The following RABGAP1L variants were observed in gnomAD, a reference collection of about 807,000 sequenced individuals.
RABGAP1L encodes RAB GTPase activating protein 1 like, also known as rab GTPase-activating protein 1-like.
Under a neutral mutation model 137.7 loss-of-function variants are expected in RABGAP1L, and 63 were observed. The observed-to-expected ratio is 0.46, with a 90% CI of 0.37 to 0.56. The LOEUF (loss-of-function observed/expected upper bound fraction) is 0.56, where lower values mean the gene tolerates loss of function less well. Ranked by LOEUF, RABGAP1L falls within the 20% of genes least tolerant of loss-of-function variation. RABGAP1L has a pLI of 0.00. For synonymous variants in RABGAP1L, 431 were observed against 433.7 expected (o/e 0.99, Z 0.08); for missense variants, 1,095 against 1,244.0 (o/e 0.88, Z 1.80).
chr1:174,635,564 T>G (rs1232200765), intron 13 of RABGAP1L, among the ~76,000 whole-genome samples: 1 of 152,186 alleles, frequency 6.6e-6, no homozygotes, highest in Non-Finnish European at 1.5e-5. Flanking sequence ...GTTTTCTTTA[T>G]CATTAGAAAC....
At chr1:174,634,789 A>C (rs1673794135) in intron 13 of RABGAP1L, among the ~76,000 whole-genome samples, 4 of 146,786 alleles carry the variant, frequency 2.7e-5, no homozygotes, top group Admixed American at 2.7e-4. Flanking sequence ...AAGAACAAAA[A>C]AGCAAACACC....
intron 17 of RABGAP1L, among the ~76,000 whole-genome samples, chr1:174,743,968 CT>C (rs61152923): frequency 0.022 from 3,217 of 149,264 alleles, 113 homozygotes; most frequent in African/African-American, 0.075. Context: ...GGGAGTCATC[CT>C]TTTTTTTTGG....
intron 13 of RABGAP1L, among the ~76,000 whole-genome samples, chr1:174,536,236 C>CT (rs1039846928): frequency 2.0e-5 from 3 of 151,126 alleles, no homozygotes; most frequent in South Asian, 2.1e-4. Flanking sequence ...TAATGTATGG[C>CT]TTTTTTTAAG....
intron 13 of RABGAP1L, among the ~76,000 whole-genome samples, chr1:174,601,365 G>A (rs1670399233): frequency 6.6e-6 from 1 of 152,256 alleles, no homozygotes; most frequent in South Asian, 2.1e-4. Flanking sequence ...GCAAATTTCT[G>A]TAGCCAGCTT....
intron 1 of RABGAP1L, among the ~76,000 whole-genome samples, chr1:174,182,217 G>A (rs1666429767): frequency 6.6e-6 from 1 of 152,122 alleles, no homozygotes; most frequent in African/African-American, 2.4e-5. Flanking sequence ...GCTATGGGAA[G>A]AAACTGAGGA....
At chr1:174,227,710 A>C (rs1360909990) in intron 3 of RABGAP1L, among the ~76,000 whole-genome samples, 1 of 152,134 alleles carries the variant, frequency 6.6e-6, no homozygotes, top group Admixed American at 6.6e-5. Flanking sequence ...TTTATAACTC[A>C]AGTCTTTAAC....
At chr1:174,194,925 A>G (rs1667461678) in intron 1 of RABGAP1L, among the ~76,000 whole-genome samples, 1 of 152,212 alleles carries the variant, frequency 6.6e-6, no homozygotes, top group African/African-American at 2.4e-5. Flanking sequence ...ATTTCACCCT[A>G]ATATGGTGTG....
chr1:174,226,513 C>T (rs1670193651), intron 3 of RABGAP1L, among the ~76,000 whole-genome samples: 1 of 151,906 alleles, frequency 6.6e-6, no homozygotes, highest in African/African-American at 2.4e-5. Flanking sequence ...TTGTAACAGG[C>T]TTATCACTTC....
At chr1:174,705,970 G>A (rs1680013058) in intron 17 of RABGAP1L, among the ~76,000 whole-genome samples, 2 of 152,112 alleles carry the variant, frequency 1.3e-5, no homozygotes, top group South Asian at 2.1e-4. Flanking sequence ...TGGAAGGATA[G>A]GAAGCTCTCA....
intron 19 of RABGAP1L, among the ~76,000 whole-genome samples, chr1:174,814,096 G>C (rs1271006494): frequency 6.6e-6 from 1 of 152,082 alleles, no homozygotes; most frequent in Admixed American, 6.5e-5. Flanking sequence ...CCTGGAGGTG[G>C]CTAGTTATTA....
intron 13 of RABGAP1L, among the ~76,000 whole-genome samples, chr1:174,466,206 A>G (rs79077452): frequency 0.081 from 12,382 of 152,158 alleles, 695 homozygotes; most frequent in East Asian, 0.32. Flanking sequence ...TTCCTTACTT[A>G]CTCAGCACTT....
chr1:174,683,706 T>C lies in RABGAP1L; in HGVS notation c.1899+110T>C, dbSNP rs540887524. ...CCATTTATCTGATGGAGATTACATA[T>C]GGCATATCTTTTTTAAAATGTACGT... On this transcript the variant is annotated intron_variant, in intron 15 of 25. Coordinates refer to ENST00000681986, the MANE Select transcript of RABGAP1L (RefSeq NM_001366446.1). 13 of 747,218 alleles carry C rather than the reference T, an allele frequency of 1.7e-5. 1 individual carries two copies. The highest frequency in any genetic ancestry group is 1.7e-4 in the Admixed American group (6 of 35,774). The allele number at this position is 747,218 out of a possible 1,614,324, so 46.3% of individuals were successfully genotyped here. A position where few individuals can be genotyped will look rare whatever the true frequency, so the allele number is the denominator to read the frequency against.
chr1:174,853,206 T>C (rs1648677311), intron 19 of RABGAP1L, among the ~76,000 whole-genome samples: 1 of 147,808 alleles, frequency 6.8e-6, no homozygotes, highest in Non-Finnish European at 1.5e-5. Flanking sequence ...AGAATGCCAC[T>C]TGAAAGAAAG....
intron 13 of RABGAP1L, among the ~76,000 whole-genome samples, chr1:174,463,964 T>C (rs183257415): frequency 6.6e-6 from 1 of 152,188 alleles, no homozygotes; most frequent in Non-Finnish European, 1.5e-5. Context: ...TTATACTACA[T>C]ATTGGATTAC....
chr1:174,458,874 C>T (rs1366217004), intron 13 of RABGAP1L, among the ~76,000 whole-genome samples: 1 of 151,920 alleles, frequency 6.6e-6, no homozygotes, highest in Non-Finnish European at 1.5e-5. Context: ...GTAAGCATGC[C>T]TCTTTTGTAG....
chr1:174,181,881 G>A (rs1156356168), intron 1 of RABGAP1L, among the ~76,000 whole-genome samples: 2 of 152,190 alleles, frequency 1.3e-5, no homozygotes, highest in Non-Finnish European at 2.9e-5. Context: ...AACAAAGAGT[G>A]TCTGCACCTT....
At chr1:174,527,287 T>C (rs191299443) in intron 13 of RABGAP1L, among the ~76,000 whole-genome samples, 1 of 149,820 alleles carries the variant, frequency 6.7e-6, no homozygotes, top group Non-Finnish European at 1.5e-5. Flanking sequence ...CACTTCAACC[T>C]TTGCCTCCCT....
At chr1:174,587,277 C>T (rs1669190072) in intron 13 of RABGAP1L, among the ~76,000 whole-genome samples, 1 of 113,570 alleles carries the variant, frequency 8.8e-6, no homozygotes, top group Non-Finnish European at 1.6e-5. Context: ...AATGGGATGG[C>T]TGGGTCAAAC....
chr1:174,232,353 C>T (rs988552824), intron 4 of RABGAP1L, among the ~76,000 whole-genome samples: 1 of 151,820 alleles, frequency 6.6e-6, no homozygotes, highest in East Asian at 2.0e-4. Context: ...CGTGTGGTGG[C>T]ACACGCCTGT....
Sources: gnomAD v4.1 joint callset for allele counts (sites outside exome capture counted in the v4.1 genomes callset) on GRCh38, gnomAD v4.1.1 for gene constraint, MANE v1.5 for transcripts, NCBI Gene and HGNC (gene_info 2026-07-23, HGNC 2026-07-21) for gene names.